SYNPO: variants seen among roughly 807,000 people sequenced by gnomAD.
The protein encoded by SYNPO is synaptopodin.
SYNPO carries 19 observed loss-of-function variants against 49.5 expected under a neutral mutation model. The observed-to-expected ratio is 0.38, with a 90% CI of 0.27 to 0.56. The LOEUF is 0.56. SYNPO is among the 20% of genes least tolerant of loss of function. The pLI is 0.68. For missense variants in SYNPO, 1,131 were observed against 1,248.3 expected, an observed-to-expected ratio of 0.91 and a Z score of 1.42; for synonymous variants, 536 against 548.0, an observed-to-expected ratio of 0.98 and a Z score of 0.31.
chr5:150,617,770 T>A (rs887412678), intron 1 of SYNPO: 2 of 152,226 alleles, frequency 1.3e-5, no homozygotes, highest in African/African-American at 4.8e-5. Flanking sequence ...ATTTATTTAA[T>A]GTGCATTGGG....
At chr5:150,640,016 A>G (rs1757843766), upstream of SYNPO, 1 of 524,736 alleles carries the variant, frequency 1.9e-6, no homozygotes, top group Admixed American at 6.4e-5. Flanking sequence ...GACCTTGAGC[A>G]AGTTGCTGCA....
At position 150,648,557 on chromosome 5, in the gene SYNPO, C is replaced by A. The variant is rs753932064; in HGVS notation, c.282C>A (p.Thr94=). 11 of 1,614,060 alleles carry A rather than the reference C, an allele frequency of 6.8e-6. No individual in the cohort carries two copies. Among genetic ancestry groups the A allele is most frequent in the Non-Finnish European group, 8.5e-7 (1 of 1,180,036 alleles). ...ACAGCAGCCACAATCCGCCAGCCAC[C>A]GATGTCAATCAGAACCCACCGGCAA... The part of the protein sequence containing the change: ...TSNSSHNPPA[T]DVNQNPPATV... Residue 94 remains threonine (T), a synonymous_variant, in exon 2 of 3, where the codon ACC becomes ACA. Transcript: ENST00000307662. The surrounding 1 kb of genome is among the most constrained non-coding windows in gnomAD (Gnocchi z 5.0).
At chr5:150,588,426 A>G in the SYNPO span, among the ~76,000 whole-genome samples, 1 of 152,146 alleles carries the variant, frequency 6.6e-6, no homozygotes, top group African/African-American at 2.4e-5. Flanking sequence ...GCCAGGGGGA[A>G]CTTCCCCTCC....
chr5:150,618,303 C>A, exon 2 of SYNPO: 10 of 1,484,904 alleles, frequency 6.7e-6, no homozygotes, highest in Non-Finnish European at 7.2e-6. Context: ...ACAGCTGGCC[C>A]CAGCCCAGGC....
In SYNPO at chr5:150,656,584, G is replaced by C. The variant is rs1004461615; in HGVS notation, c.2209G>C (p.Val737Leu). The C allele has an allele frequency of 4.6e-6, 7 of 1,520,432 alleles. No individual in the cohort carries two copies. The African/African-American group carries it at 1.0e-4, about 22-fold the overall frequency. The allele number at this position is 1,520,432 out of a possible 1,614,324, so 94.2% of individuals were successfully genotyped here. A position where few individuals can be genotyped will look rare whatever the true frequency, so the allele number is the denominator to read the frequency against. Residue 737 changes from valine to leucine, a missense_variant, in exon 3 of 3, where the codon GTG (valine) becomes CTG (leucine). Transcript: ENST00000307662. ...PMSPSWSERSVSPLRPETEAR... is the reference protein window; with the variant it reads ...PMSPSWSERSLSPLRPETEAR... ...GTCTCCCTCGTGGAGCGAGCGCTCG[G>C]TGTCCCCGCTGCGACCTGAGACCGA...
At chr5:150,625,169 G>C (rs1029924697) in intron 2 of SYNPO, among the ~76,000 whole-genome samples, 10 of 152,326 alleles carry the variant, frequency 6.6e-5, no homozygotes, top group African/African-American at 2.4e-4. Flanking sequence ...CTACCCTCCT[G>C]GGCTGCGTGG....
At position 150,657,361 on chromosome 5, in the gene SYNPO, C is replaced by A; in HGVS notation, c.*274C>A. The A allele has an allele frequency of 9.0e-6, 4 of 444,506 alleles. No homozygotes were observed. The highest frequency in any genetic ancestry group is 1.7e-5 in the Non-Finnish European group (4 of 241,734). The allele number at this position is 444,506 out of a possible 1,614,324, so 27.5% of individuals were successfully genotyped here. On this transcript the variant is annotated 3_prime_UTR_variant, in exon 3 of 3. Transcript: ENST00000307662. ...GGCTTTGGCCAAGGCAATCCACAAA[C>A]GTCAAAATTCCCCTTCCCATCAGTA... is the stretch of plus-strand genomic sequence containing the variant.
intron 1 of SYNPO, among the ~76,000 whole-genome samples, chr5:150,604,619 A>C (rs1329646023): frequency 2.0e-5 from 3 of 152,186 alleles, no homozygotes; most frequent in Non-Finnish European, 4.4e-5. Flanking sequence ...AAAGAAGAGA[A>C]ACTAGGTGAC....
At chr5:150,637,431 G>T (rs1245964340), upstream of SYNPO, among the ~76,000 whole-genome samples, 4 of 152,266 alleles carry the variant, frequency 2.6e-5, no homozygotes, top group East Asian at 5.8e-4. Flanking sequence ...CGAATGCCTC[G>T]CACATTAGAA....
intron 1 of SYNPO, chr5:150,614,979 C>T (rs745812708): frequency 6.6e-6 from 1 of 152,438 alleles, no homozygotes; most frequent in Non-Finnish European, 1.5e-5. Context: ...ACAGTACTTA[C>T]CTCTCCGTGC....
chr5:150,620,945 C>A (rs1426709137), intron 2 of SYNPO, among the ~76,000 whole-genome samples: 2 of 64,800 alleles, frequency 3.1e-5, no homozygotes, highest in East Asian at 8.2e-4. Context: ...TTCTTTCTTT[C>A]TTTTCTTTTC....
intron 1 of SYNPO, chr5:150,615,388 G>A (rs1699685522): frequency 6.6e-6 from 1 of 152,260 alleles, no homozygotes; most frequent in Admixed American, 6.5e-5. Context: ...GGGATAGAGT[G>A]AGGCGAGGCC....
At position 150,656,544 on chromosome 5, in the gene SYNPO, G is replaced by GCCGCCA. The variant is rs1758560142; in HGVS notation, c.2175_2180dup (p.Pro726_Pro727dup). ...GCATGAGCAGCCCCCCGCCGCTGCC[G>GCCGCCA]CCGCCACCGCCCATGTCTCCCTCGT... On this transcript the variant is annotated inframe_insertion, in exon 3 of 3. Coordinates refer to ENST00000307662, the MANE Select transcript of SYNPO (RefSeq NM_007286.6). 5.2e-6 allele frequency: 8 copies of GCCGCCA among 1,527,026 alleles called. No individual in the cohort carries two copies. Among genetic ancestry groups the GCCGCCA allele is most frequent in the East Asian group, 5.0e-5 (2 of 40,010 alleles). 94.6% of individuals were successfully genotyped at this position (1,527,026 alleles called of 1,614,324 possible). A position where few individuals can be genotyped will look rare whatever the true frequency, so the allele number is the denominator to read the frequency against.
chr5:150,621,143 G>C (rs1052612569), intron 2 of SYNPO, among the ~76,000 whole-genome samples: 1 of 151,558 alleles, frequency 6.6e-6, no homozygotes, highest in African/African-American at 2.4e-5. Flanking sequence ...AGTAGAGATG[G>C]GATTTCACCA....
rs2151437685 is a variant in SYNPO at position 150,657,982 on chromosome 5, C to T, written c.*895C>T. 1 of 152,478 alleles carries T rather than the reference C, an allele frequency of 6.6e-6. No homozygotes were observed. The highest frequency in any genetic ancestry group is 2.4e-5 in the African/African-American group (1 of 41,558). 9.4% of individuals were successfully genotyped at this position (152,478 alleles called of 1,614,324 possible). ...GGCAGGTTCTGGGCTCAAAGCTGAACTGGGGAGAGAAGAGATACAGAGCTA... is the reference window on the plus strand; with the variant it reads ...GGCAGGTTCTGGGCTCAAAGCTGAATTGGGGAGAGAAGAGATACAGAGCTA... On this transcript the variant is annotated 3_prime_UTR_variant, in exon 3 of 3. Transcript: ENST00000307662.
intron 1 of SYNPO, among the ~76,000 whole-genome samples, chr5:150,644,501 G>A (rs1400272910): frequency 6.6e-6 from 1 of 152,190 alleles, no homozygotes; most frequent in Non-Finnish European, 1.5e-5. Flanking sequence ...GGAATGGGGT[G>A]ACCAATTGCC....
chr5:150,648,713 G>C lies in SYNPO; in HGVS notation c.438G>C (p.Pro146=). Reference sequence around the variant, plus strand: ...GTGCTGATGGGCAACCCCAGGCACCGGCTGAGGAGGTGAGATGCAGCACAC... The same window carrying C: ...GTGCTGATGGGCAACCCCAGGCACCCGCTGAGGAGGTGAGATGCAGCACAC... ...TLCADGQPQA[P]AEEVRCSTLL... The change falls in exon 2 of 3, where the codon CCG becomes CCC. Residue 146 remains proline, a synonymous_variant. Transcript: ENST00000307662. The surrounding 1 kb of genome is among the most constrained non-coding windows in gnomAD (Gnocchi z 5.0). 1 of 1,614,180 alleles carries C rather than the reference G, an allele frequency of 6.2e-7. No homozygotes were observed. The highest frequency in any genetic ancestry group is 8.5e-7 in the Non-Finnish European group (1 of 1,180,022).
In SYNPO at chr5:150,650,140, G is replaced by T; in HGVS notation, c.1865G>T (p.Gly622Val). 2 of 1,612,114 alleles carry T rather than the reference G, an allele frequency of 1.2e-6. No homozygotes were observed. The highest frequency in any genetic ancestry group is 1.7e-6 in the Non-Finnish European group (2 of 1,179,326). The part of the protein sequence containing the change: ...ALPRPSRSSP[G>V]LYTSPGQDSL... ...CCTCGGCCCTCGCGCTCCTCACCGG[G>T]CCTCTACACCTCCCCCGGCCAGGAC... Residue 622 changes from glycine (G) to valine (V), a missense_variant, in exon 2 of 3, where the codon GGC becomes GTC. Gly to Val is a moderately radical substitution (Grantham distance 109, BLOSUM62 -3). Around this residue, in one of 4 missense-constraint regions of SYNPO, gnomAD observed 509 missense variants for 484.5 expected, o/e 1.05. Coordinates refer to ENST00000307662, the MANE Select transcript of SYNPO (RefSeq NM_007286.6).
chr5:150,625,647 G>T (rs963452823), intron 2 of SYNPO, among the ~76,000 whole-genome samples: 1 of 152,196 alleles, frequency 6.6e-6, no homozygotes, highest in African/African-American at 2.4e-5. Flanking sequence ...GGAGGGCTCG[G>T]CTCCTTTCTA....
Sources: gnomAD v4.1 joint callset for allele counts (sites outside exome capture counted in the v4.1 genomes callset) on GRCh38, gnomAD v4.1.1 for gene constraint, gnomAD v4.1.1 regional missense constraint, Gnocchi (gnomAD v3.1) non-coding constraint, MANE v1.5 for transcripts, NCBI Gene and HGNC (gene_info 2026-07-23, HGNC 2026-07-21) for gene names.